WDR27: variants seen among roughly 807,000 people sequenced by gnomAD.
The protein encoded by WDR27 is WD repeat domain 27.
WDR27 carries 100 observed loss-of-function variants against 114.4 expected under a neutral mutation model. That is an observed-to-expected ratio of 0.87 (90% CI 0.74 to 1.03). The LOEUF is 1.03. Among genes scored for constraint, WDR27 ranks in the 50% least tolerant of loss-of-function variants. WDR27 has a pLI of 0.00. For missense variants in WDR27, 1,129 were observed against 1,092.9 expected (o/e 1.03, Z -0.47); for synonymous variants, 449 against 423.1 (o/e 1.06, Z -0.75).
intron 23 of WDR27, among the ~76,000 whole-genome samples, chr6:169,586,204 C>A (rs1804521930): frequency 6.6e-6 from 1 of 152,152 alleles, no homozygotes; most frequent in Non-Finnish European, 1.5e-5. Flanking sequence ...TTTGCCATAT[C>A]CACGATCTCT....
intron 23 of WDR27, among the ~76,000 whole-genome samples, chr6:169,589,297 T>C (rs1049795214): frequency 6.6e-6 from 1 of 152,220 alleles, no homozygotes; most frequent in African/African-American, 2.4e-5. Context: ...TGCCAGGCAC[T>C]GATAAGAATT....
chr6:169,679,085 G>GA (rs1308971248), intron 2 of WDR27, among the ~76,000 whole-genome samples: 1 of 152,134 alleles, frequency 6.6e-6, no homozygotes, highest in Non-Finnish European at 1.5e-5. Flanking sequence ...CTGTCAACCA[G>GA]AAAATGTTTA....
In WDR27 at chr6:169,497,662, C is replaced by A. The variant is rs1790583986; in HGVS notation, c.2646-40028G>T. 3.3e-5 allele frequency among the ~76,000 whole-genome samples: 5 copies of A among 152,044 alleles called. No homozygotes were observed. In the South Asian group the frequency reaches 1.0e-3, roughly 32 times the overall value. On this transcript the variant is annotated intron_variant, in intron 25 of 25. Coordinates refer to ENST00000448612, the MANE Select transcript of WDR27 (RefSeq NM_182552.5). Reference sequence around the variant, plus strand: ...AAGTGCATGAAAAGATGTTCAACATCACTAATCATTTGGGAAACGCAAAAC... The same window carrying A: ...AAGTGCATGAAAAGATGTTCAACATAACTAATCATTTGGGAAACGCAAAAC...
chr6:169,636,545 T>C (rs752370452), intron 18 of WDR27, 41 bp from the exon 19 acceptor site: 13 of 1,556,360 alleles, frequency 8.4e-6, no homozygotes, highest in Non-Finnish European at 3.5e-6. Flanking sequence ...ATAATAAATG[T>C]TAACAAAAAC....
chr6:169,432,999 C>T, the WDR27 span, among the ~76,000 whole-genome samples: 3 of 152,182 alleles, frequency 2.0e-5, no homozygotes, highest in Non-Finnish European at 4.4e-5. Context: ...TAATAAAATC[C>T]AGGCTGAGGT....
chr6:169,660,198 A>AG (rs1244446310), intron 10 of WDR27, among the ~76,000 whole-genome samples: 1 of 1,574 alleles, frequency 6.4e-4, no homozygotes. Flanking sequence ...GTCTTGGGGG[A>AG]GGGGGTGGGG....
At position 169,684,812 on chromosome 6, in the gene WDR27, G is replaced by A. The variant is rs1782481416; in HGVS notation, c.189+4005C>T. ...GCCTACGTCCAATGCTGGAGAAACA[G>A]CCCCAGGAGCTGCCCCAGCAGATAT... On this transcript the variant is annotated intron_variant, in intron 2 of 25. Coordinates refer to ENST00000448612, the MANE Select transcript of WDR27 (RefSeq NM_182552.5). The surrounding 1 kb of genome is among the most constrained non-coding windows in gnomAD (Gnocchi z 4.3). 6.6e-6 allele frequency among the ~76,000 whole-genome samples: 1 copy of A among 152,150 alleles called. No individual in the cohort carries two copies. The highest frequency in any genetic ancestry group is 6.5e-5 in the Admixed American group (1 of 15,282).
chr6:169,559,051 C>T (rs896951971), intron 25 of WDR27: 8 of 152,214 alleles, frequency 5.3e-5, no homozygotes, highest in African/African-American at 1.4e-4. Flanking sequence ...CTACCAGTTC[C>T]GTAGTTCAGT....
the WDR27 span, among the ~76,000 whole-genome samples, chr6:169,428,924 C>T: frequency 0.021 from 3,236 of 152,224 alleles, 117 homozygotes; most frequent in African/African-American, 0.075. Context: ...AAGGTGCTCT[C>T]GGCAGCCACG....
At position 169,692,791 on chromosome 6, in the gene WDR27, G is replaced by C. The variant is rs373553359; in HGVS notation, c.-7-3779C>G. Reference sequence around the variant, plus strand: ...AGCTGCAGCAAGCCCTGCCCAGGGAGACTCTGAGCCCAGATCCACCTAACC... The same window carrying C: ...AGCTGCAGCAAGCCCTGCCCAGGGACACTCTGAGCCCAGATCCACCTAACC... On this transcript the variant is annotated intron_variant, in intron 1 of 25. Transcript: ENST00000448612. Among the ~76,000 whole-genome samples, 13 of 152,232 alleles carry C rather than the reference G, an allele frequency of 8.5e-5. No homozygotes were observed. The East Asian group carries it at 1.4e-3, about 16-fold the overall frequency.
At chr6:169,587,171 T>G in intron 23 of WDR27, among the ~76,000 whole-genome samples, 1 of 150,932 alleles carries the variant, frequency 6.6e-6, no homozygotes, top group Non-Finnish European at 1.5e-5. Context: ...ACATCTGCAC[T>G]AAAAACCTGT....
intron 25 of WDR27, among the ~76,000 whole-genome samples, chr6:169,547,248 A>G (rs1222473597): frequency 6.6e-6 from 1 of 152,204 alleles, no homozygotes; most frequent in Non-Finnish European, 1.5e-5. Context: ...TATTTAAATA[A>G]GAAATGAATC....
chr6:169,587,469 T>C (rs935788175), intron 23 of WDR27, among the ~76,000 whole-genome samples: 3 of 152,186 alleles, frequency 2.0e-5, no homozygotes, highest in Admixed American at 2.0e-4. Flanking sequence ...TCCACCCGCC[T>C]TGGCCTCCCA....
At chr6:169,566,956 A>G (rs955203776) in intron 25 of WDR27, among the ~76,000 whole-genome samples, 1 of 152,220 alleles carries the variant, frequency 6.6e-6, no homozygotes, top group African/African-American at 2.4e-5. Context: ...AAAATGCATA[A>G]TAGGCCAGGG....
At chr6:169,687,757 G>A (rs1461168034) in intron 2 of WDR27, among the ~76,000 whole-genome samples, 1 of 152,110 alleles carries the variant, frequency 6.6e-6, no homozygotes, top group South Asian at 2.1e-4. Flanking sequence ...TGGCTGTGTG[G>A]ACTCCACATA....
intron 23 of WDR27, among the ~76,000 whole-genome samples, chr6:169,595,475 T>G: frequency 6.6e-6 from 1 of 152,222 alleles, no homozygotes; most frequent in East Asian, 1.9e-4. Context: ...CTACATCCAA[T>G]TTTAATCATA....
chr6:169,618,651 A>AATT (rs1812450959), intron 21 of WDR27, among the ~76,000 whole-genome samples: 1 of 140,930 alleles, frequency 7.1e-6, no homozygotes. Flanking sequence ...AAAAAAAAAC[A>AATT]TTATTGATGC....
At chr6:169,533,861 G>A (rs374511813) in intron 25 of WDR27, among the ~76,000 whole-genome samples, 3 of 152,048 alleles carry the variant, frequency 2.0e-5, no homozygotes, top group African/African-American at 7.2e-5. Context: ...ACATGTGCAC[G>A]TGTATGCATA....
At chr6:169,452,471 G>T (rs1283649479), downstream of WDR27, among the ~76,000 whole-genome samples, 1 of 152,172 alleles carries the variant, frequency 6.6e-6, no homozygotes, top group African/African-American at 2.4e-5. Context: ...GAGAGCAGCC[G>T]AGGCGGGACG....
Sources: gnomAD v4.1 joint callset for allele counts (sites outside exome capture counted in the v4.1 genomes callset) on GRCh38, gnomAD v4.1.1 for gene constraint, Gnocchi (gnomAD v3.1) non-coding constraint, MANE v1.5 for transcripts, NCBI Gene and HGNC (gene_info 2026-07-23, HGNC 2026-07-21) for gene names.